CENPM: variants seen among roughly 807,000 people sequenced by gnomAD.
CENPM encodes centromere protein M, also known as interphase centromere complex protein 39.
In CENPM, 14 loss-of-function variants were observed where a neutral mutation model predicts 19.6. That is an observed-to-expected ratio of 0.71 (90% CI 0.47 to 1.11). CENPM has a LOEUF of 1.11. Ranked by LOEUF, CENPM falls within the 50% of genes most tolerant of loss-of-function variation. The probability of loss-of-function intolerance (pLI) is 0.00; values close to 1 mark genes in which losing one functional copy is unlikely to be tolerated. For missense variants in CENPM, 239 were observed against 228.4 expected (o/e 1.05, Z -0.30); for synonymous variants, 114 against 101.5 (o/e 1.12, Z -0.74).
intron 2 of CENPM, 79 bp from the exon 3 acceptor site, chr22:41,946,084 G>C (rs2077798065): frequency 1.6e-6 from 2 of 1,267,782 alleles, no homozygotes; most frequent in Non-Finnish European, 2.2e-6. Flanking sequence ...CCTTCATGTG[G>C]AAAGAGGCCG....
At chr22:41,946,726 C>G in intron 1 of CENPM, 2 of 595,094 alleles carry the variant, frequency 3.4e-6, no homozygotes, top group Non-Finnish European at 6.0e-6. Flanking sequence ...TCGCTCCCAC[C>G]GCCGGCCTCT....
intron 3 of CENPM, 183 bp from the exon 4 acceptor site, chr22:41,945,487 GT>G (rs2077789816): frequency 1.4e-5 from 17 of 1,223,246 alleles, no homozygotes; most frequent in Non-Finnish European, 1.8e-5. Flanking sequence ...GTTTCACTTT[GT>G]TGCCCAGGCT....
chr22:41,928,172 C>A, the CENPM span: 1 of 430,284 alleles, frequency 2.3e-6, no homozygotes, highest in Non-Finnish European at 4.6e-6. The surrounding 1 kb of genome is among the most constrained non-coding windows in gnomAD (Gnocchi z 4.0). Context: ...GGAAGATCTG[C>A]CTATGAGTGA....
chr22:41,933,114 G>A, the CENPM span, among the ~76,000 whole-genome samples: 7 of 152,220 alleles, frequency 4.6e-5, no homozygotes, highest in East Asian at 3.9e-4. Context: ...AGGGTGGAGC[G>A]ATCCCCAAGG....
chr22:41,942,708 G>A (rs900801861), intron 5 of CENPM, among the ~76,000 whole-genome samples: 5 of 149,684 alleles, frequency 3.3e-5, no homozygotes, highest in Admixed American at 2.0e-4. Context: ...CCGAGATCGC[G>A]CCACTGCATT....
chr22:41,937,358 C>T (rs570580722), downstream of CENPM, among the ~76,000 whole-genome samples: 3 of 152,276 alleles, frequency 2.0e-5, no homozygotes, highest in East Asian at 1.9e-4. Flanking sequence ...TGCAGTGGTA[C>T]GATCTCAGCT....
chr22:41,938,363 C>CTTTT (rs564451166), downstream of CENPM, among the ~76,000 whole-genome samples: 6 of 94,404 alleles, frequency 6.4e-5, no homozygotes, highest in Non-Finnish European at 9.7e-5. Context: ...GCTGGTCTCG[C>CTTTT]TTTTTTTTTT....
the CENPM span, among the ~76,000 whole-genome samples, chr22:41,932,449 AG>A: frequency 1.3e-5 from 2 of 152,270 alleles, no homozygotes; most frequent in East Asian, 1.9e-4. The surrounding 1 kb of genome is among the most constrained non-coding windows in gnomAD (Gnocchi z 4.3). Context: ...AACCCACACC[AG>A]GGGAGGGCAG....
At chr22:41,932,376 G>C in the CENPM span, among the ~76,000 whole-genome samples, 2 of 152,206 alleles carry the variant, frequency 1.3e-5, no homozygotes, top group African/African-American at 2.4e-5. The surrounding 1 kb of genome is among the most constrained non-coding windows in gnomAD (Gnocchi z 4.3). Flanking sequence ...AAGTCCTGGC[G>C]AGTCCAGAGC....
At chr22:41,929,756 T>C in the CENPM span, among the ~76,000 whole-genome samples, 1 of 137,572 alleles carries the variant, frequency 7.3e-6, no homozygotes, top group Non-Finnish European at 1.5e-5. Flanking sequence ...CTGTGTTGTG[T>C]GCAGGTGCCT....
At chr22:41,945,115 G>A in intron 4 of CENPM, 110 bp downstream of exon 4, 2 of 1,570,612 alleles carry the variant, frequency 1.3e-6, no homozygotes, top group Non-Finnish European at 8.6e-7. Flanking sequence ...CCCAGTGTGT[G>A]TAAAATACAT....
downstream of CENPM, among the ~76,000 whole-genome samples, chr22:41,935,864 A>G (rs1393283112): frequency 1.4e-5 from 2 of 147,940 alleles, no homozygotes; most frequent in Admixed American, 6.9e-5. Flanking sequence ...GCCAGTGGAG[A>G]TGCCCAAATC....
chr22:41,938,141 ATTTT>A (rs11440934), downstream of CENPM, among the ~76,000 whole-genome samples: 1 of 120,064 alleles, frequency 8.3e-6, no homozygotes, highest in East Asian at 2.4e-4. Flanking sequence ...CGCGCCCAGC[ATTTT>A]TTTTTTTTTT....
chr22:41,936,306 T>C (rs1175563835), downstream of CENPM, among the ~76,000 whole-genome samples: 2 of 152,186 alleles, frequency 1.3e-5, no homozygotes, highest in Non-Finnish European at 2.9e-5. Flanking sequence ...GAACTGTGAA[T>C]TGGGGAAACA....
downstream of CENPM, among the ~76,000 whole-genome samples, chr22:41,935,401 C>T (rs557384184): frequency 1.3e-5 from 2 of 152,226 alleles, no homozygotes; most frequent in African/African-American, 4.8e-5. Flanking sequence ...ATTCCATCAG[C>T]CCCGCCAAAG....
At chr22:41,946,222 G>T in intron 2 of CENPM, 195 bp downstream of exon 2, 1 of 648,374 alleles carries the variant, frequency 1.5e-6, no homozygotes, top group Non-Finnish European at 2.7e-6. Context: ...TGCCAGAAAC[G>T]GGCTCTGTTT....
intron 5 of CENPM, among the ~76,000 whole-genome samples, chr22:41,939,838 GAA>G (rs1407988572): frequency 8.3e-4 from 12 of 14,476 alleles, no homozygotes; most frequent in South Asian, 8.3e-3. Context: ...AAGAAAGAAA[GAA>G]AAAGAAAGAA....
At chr22:41,934,878 G>A (rs1416648821), downstream of CENPM, among the ~76,000 whole-genome samples, 1 of 152,176 alleles carries the variant, frequency 6.6e-6, no homozygotes, top group Non-Finnish European at 1.5e-5. Flanking sequence ...CCCAATTCCG[G>A]CACACACTGA....
At chr22:41,942,292 A>C (rs2077748151) in intron 5 of CENPM, among the ~76,000 whole-genome samples, 1 of 152,196 alleles carries the variant, frequency 6.6e-6, no homozygotes, top group South Asian at 2.1e-4. Context: ...TTTAGCAAAA[A>C]GTCATCAGGA....
Sources: gnomAD v4.1 joint callset for allele counts (sites outside exome capture counted in the v4.1 genomes callset) on GRCh38, gnomAD v4.1.1 for gene constraint, Gnocchi (gnomAD v3.1) non-coding constraint, MANE v1.5 for transcripts, NCBI Gene and HGNC (gene_info 2026-07-23, HGNC 2026-07-21) for gene names.